SUCLG2: variants seen among roughly 807,000 people sequenced by gnomAD.
The protein encoded by SUCLG2 is succinate--CoA ligase [GDP-forming] subunit beta, mitochondrial.
SUCLG2 carries 42 observed loss-of-function variants against 47.9 expected under a neutral mutation model. That is an observed-to-expected ratio of 0.88 (90% CI 0.69 to 1.14). The LOEUF (loss-of-function observed/expected upper bound fraction) is 1.14, where lower values mean the gene tolerates loss of function less well. Ranked by LOEUF, SUCLG2 falls within the 50% of genes most tolerant of loss-of-function variation. SUCLG2 has a pLI of 0.00. For synonymous variants in SUCLG2, 195 were observed against 197.3 expected, an observed-to-expected ratio of 0.99 and a Z score of 0.10; for missense variants, 571 against 525.9, an observed-to-expected ratio of 1.09 and a Z score of -0.84.
intron 10 of SUCLG2, among the ~76,000 whole-genome samples, chr3:67,391,933 C>G (rs55896953): frequency 0.17 from 25,778 of 152,096 alleles, 2,320 homozygotes; most frequent in East Asian, 0.24. Flanking sequence ...GGACCTGTTT[C>G]CCACCTCCAC....
chr3:67,652,239 A>G (rs1701299571), intron 1 of SUCLG2, among the ~76,000 whole-genome samples: 1 of 152,054 alleles, frequency 6.6e-6, no homozygotes, highest in Non-Finnish European at 1.5e-5. Flanking sequence ...GGGAGGAGGT[A>G]GACAAAATGT....
chr3:67,524,765 GAGA>G (rs923057276), intron 4 of SUCLG2, among the ~76,000 whole-genome samples: 15 of 152,166 alleles, frequency 9.9e-5, no homozygotes, highest in Admixed American at 8.5e-4. Context: ...GAAAGTTATA[GAGA>G]AGAAGGGAGA....
chr3:67,383,309 G>A (rs1575659596), intron 10 of SUCLG2, among the ~76,000 whole-genome samples: 1 of 152,198 alleles, frequency 6.6e-6, no homozygotes, highest in South Asian at 2.1e-4. Flanking sequence ...CCATTTTGCA[G>A]AGGAAGAAGC....
intron 9 of SUCLG2, among the ~76,000 whole-genome samples, chr3:67,447,011 C>G (rs1399394862): frequency 6.6e-6 from 1 of 152,020 alleles, no homozygotes; most frequent in Non-Finnish European, 1.5e-5. Context: ...TTTTTTGAAA[C>G]AGGTTAAAAT....
intron 10 of SUCLG2, among the ~76,000 whole-genome samples, chr3:67,386,475 AAG>A (rs1384274050): frequency 2.6e-5 from 4 of 151,118 alleles, no homozygotes; most frequent in African/African-American, 9.9e-5. Context: ...GCCGCTAATA[AAG>A]ACATATCCAA....
chr3:67,400,477 C>T (rs151292492), intron 10 of SUCLG2, among the ~76,000 whole-genome samples: 1 of 152,118 alleles, frequency 6.6e-6, no homozygotes, highest in Non-Finnish European at 1.5e-5. Flanking sequence ...TAAAATGATT[C>T]ATAAATAAAA....
At chr3:67,408,276 T>G (rs1702860996) in intron 9 of SUCLG2, among the ~76,000 whole-genome samples, 2 of 152,156 alleles carry the variant, frequency 1.3e-5, no homozygotes, top group African/African-American at 4.8e-5. Flanking sequence ...AAAACTGACA[T>G]GTGAAAAACA....
intron 9 of SUCLG2, among the ~76,000 whole-genome samples, chr3:67,435,214 A>C (rs1204358247): frequency 6.6e-6 from 1 of 152,188 alleles, no homozygotes; most frequent in East Asian, 1.9e-4. Flanking sequence ...GCAACCTTGT[A>C]ATATTGATTT....
intron 1 of SUCLG2, among the ~76,000 whole-genome samples, chr3:67,645,343 A>G (rs1701171979): frequency 6.6e-6 from 1 of 152,150 alleles, no homozygotes; most frequent in African/African-American, 2.4e-5. Flanking sequence ...TGAGTTTTGG[A>G]CGTGGGACTC....
chr3:67,360,689 G>A, exon 11 of SUCLG2: 3 of 1,528,258 alleles, frequency 2.0e-6, no homozygotes, highest in South Asian at 2.4e-5. Flanking sequence ...CGTTCTCTTG[G>A]ATACCAGTTA....
At chr3:67,384,113 T>C (rs146463484) in intron 10 of SUCLG2, among the ~76,000 whole-genome samples, 421 of 152,330 alleles carry the variant, frequency 2.8e-3, no homozygotes, top group African/African-American at 9.6e-3. Flanking sequence ...TTCATCACTG[T>C]GTCACTCAGT....
intron 9 of SUCLG2, among the ~76,000 whole-genome samples, chr3:67,418,505 A>G (rs938791470): frequency 1.3e-5 from 2 of 152,182 alleles, no homozygotes; most frequent in Non-Finnish European, 2.9e-5. Flanking sequence ...TGTTCTGGTG[A>G]ACAGTAAGGC....
At chr3:67,568,247 GA>G (rs756544979) in intron 2 of SUCLG2, among the ~76,000 whole-genome samples, 3 of 152,164 alleles carry the variant, frequency 2.0e-5, no homozygotes, top group Non-Finnish European at 4.4e-5. Context: ...AAATGAAACA[GA>G]CTGAGGGGCA....
At chr3:67,486,178 T>C (rs1478845208) in intron 9 of SUCLG2, among the ~76,000 whole-genome samples, 1 of 151,802 alleles carries the variant, frequency 6.6e-6, no homozygotes, top group Non-Finnish European at 1.5e-5. Flanking sequence ...GGTGGGAGGA[T>C]CTCTTGAGCC....
intron 2 of SUCLG2, among the ~76,000 whole-genome samples, chr3:67,597,814 T>G (rs1337172619): frequency 6.6e-6 from 1 of 151,692 alleles, no homozygotes; most frequent in Non-Finnish European, 1.5e-5. Flanking sequence ...GGCGGGTGCC[T>G]GTAGTCCCAG....
chr3:67,463,733 T>A (rs1161588245), intron 9 of SUCLG2, among the ~76,000 whole-genome samples: 2 of 152,184 alleles, frequency 1.3e-5, no homozygotes, highest in African/African-American at 2.4e-5. Context: ...TCCAGTTGAC[T>A]GGGGTTGTAT....
At chr3:67,609,226 C>T (rs1189809817) in intron 2 of SUCLG2, among the ~76,000 whole-genome samples, 6 of 152,230 alleles carry the variant, frequency 3.9e-5, no homozygotes, top group Admixed American at 1.3e-4. Context: ...GGACAAAGCT[C>T]TGAAAGCAGA....
chr3:67,609,402 T>C (rs1700487753), intron 2 of SUCLG2, 53 bp downstream of exon 2: 1 of 1,577,362 alleles, frequency 6.3e-7, no homozygotes, highest in Admixed American at 1.8e-5. Flanking sequence ...AGCCACTACC[T>C]GTGAATTCAC....
At position 67,415,452 on chromosome 3, in the gene SUCLG2, G is replaced by A. The variant is rs148333769; in HGVS notation, c.1063-14601C>T. ...TCTTAACTTACTGATATCTCACCACGACCCTATAAGGAAGGTAACTGCTTT... is the reference window on the plus strand; with the variant it reads ...TCTTAACTTACTGATATCTCACCACAACCCTATAAGGAAGGTAACTGCTTT... On this transcript the variant is annotated intron_variant, in intron 9 of 10. Coordinates refer to ENST00000307227, the MANE Select transcript of SUCLG2 (RefSeq NM_003848.4). Among the ~76,000 whole-genome samples the A allele has an allele frequency of 4.6e-5, 7 of 152,122 alleles. No individual in the cohort carries two copies. The East Asian group carries it at 1.2e-3, about 25-fold the overall frequency.
Sources: gnomAD v4.1 joint callset for allele counts (sites outside exome capture counted in the v4.1 genomes callset) on GRCh38, gnomAD v4.1.1 for gene constraint, MANE v1.5 for transcripts, NCBI Gene and HGNC (gene_info 2026-07-23, HGNC 2026-07-21) for gene names.